SSH2: variants seen among roughly 807,000 people sequenced by gnomAD.
The protein encoded by SSH2 is slingshot protein phosphatase 2.
Under a neutral mutation model 135.2 loss-of-function variants are expected in SSH2, and 37 were observed. The observed-to-expected ratio is 0.27, with a 90% CI of 0.21 to 0.36. The LOEUF (loss-of-function observed/expected upper bound fraction) is 0.36, where lower values mean the gene tolerates loss of function less well. Ranked by LOEUF, SSH2 falls within the 10% of genes least tolerant of loss-of-function variation. The pLI, the probability that SSH2 is intolerant of heterozygous loss-of-function variation, is 1.00. For synonymous variants in SSH2, 628 were observed against 646.2 expected, an observed-to-expected ratio of 0.97 and a Z score of 0.43; for missense variants, 1,408 against 1,765.3, an observed-to-expected ratio of 0.80 and a Z score of 3.63.
chr17:29,714,215 G>C (rs1040437483), intron 3 of SSH2, among the ~76,000 whole-genome samples: 1 of 151,754 alleles, frequency 6.6e-6, no homozygotes, highest in African/African-American at 2.4e-5. Flanking sequence ...ACATGATGAT[G>C]ACCAACATGT....
chr17:29,771,236 G>A (rs1320160398), intron 3 of SSH2, among the ~76,000 whole-genome samples: 2 of 152,180 alleles, frequency 1.3e-5, no homozygotes, highest in Non-Finnish European at 2.9e-5. Context: ...AACAATGAGA[G>A]CATATTTATT....
chr17:29,823,396 T>G (rs981662004), intron 2 of SSH2, among the ~76,000 whole-genome samples: 50 of 152,188 alleles, frequency 3.3e-4, no homozygotes, highest in Non-Finnish European at 3.1e-4. Flanking sequence ...GCTTTGACCC[T>G]TGCACTGGGC....
At chr17:29,682,188 TA>T (rs1228752279) in intron 6 of SSH2, among the ~76,000 whole-genome samples, 1 of 152,212 alleles carries the variant, frequency 6.6e-6, no homozygotes. Flanking sequence ...TGCTTGCTCA[TA>T]TTCTGGGTCA....
chr17:29,891,183 G>C (rs1202377870), intron 1 of SSH2, among the ~76,000 whole-genome samples: 1 of 152,186 alleles, frequency 6.6e-6, no homozygotes, highest in Non-Finnish European at 1.5e-5. Context: ...CTAATCACAG[G>C]CTGGATTCCC....
intron 3 of SSH2, among the ~76,000 whole-genome samples, chr17:29,788,320 CA>C (rs1033092751): frequency 6.6e-6 from 1 of 152,146 alleles, no homozygotes; most frequent in African/African-American, 2.4e-5. Flanking sequence ...CTGAATAGAA[CA>C]AAAGGCTGAA....
At position 29,897,340 on chromosome 17, in the gene SSH2, T is replaced by C. The variant is rs564141934; in HGVS notation, c.63+32598A>G. On this transcript the variant is annotated intron_variant, in intron 1 of 15. Transcript: ENST00000540801. ...CAATTAAAAGACACAGACTGGCAAATTGGATAAAGAGTCAAGACCCATCAG... is the reference window on the plus strand; with the variant it reads ...CAATTAAAAGACACAGACTGGCAAACTGGATAAAGAGTCAAGACCCATCAG... Among the ~76,000 whole-genome samples, 977 of 151,966 alleles carry C rather than the reference T, an allele frequency of 6.4e-3. 6 individuals are homozygous for C. Among genetic ancestry groups the C allele is most frequent in the Non-Finnish European group, 0.011 (756 of 67,964 alleles).
At chr17:29,773,723 G>A (rs1280260691) in intron 3 of SSH2, among the ~76,000 whole-genome samples, 3 of 152,090 alleles carry the variant, frequency 2.0e-5, no homozygotes, top group Non-Finnish European at 4.4e-5. Flanking sequence ...TGTTGCTCAG[G>A]CTGGAGTGCA....
chr17:29,875,616 T>C (rs117376551), intron 1 of SSH2, among the ~76,000 whole-genome samples: 24 of 152,320 alleles, frequency 1.6e-4, no homozygotes, highest in Non-Finnish European at 2.5e-4. Context: ...CTACAGTCTG[T>C]AAAGCCTCAC....
At chr17:29,856,582 AAAAAC>A (rs2065667639) in intron 1 of SSH2, among the ~76,000 whole-genome samples, 2 of 152,190 alleles carry the variant, frequency 1.3e-5, no homozygotes, top group Non-Finnish European at 2.9e-5. Context: ...CTCAAAAAAC[AAAAAC>A]AAACAAACAA....
intron 6 of SSH2, among the ~76,000 whole-genome samples, chr17:29,679,758 T>C (rs567835200): frequency 9.8e-5 from 15 of 152,356 alleles, no homozygotes; most frequent in Middle Eastern, 3.4e-3. Context: ...AATTTCTTCA[T>C]TTGTAAAACT....
chr17:29,819,634 G>C (rs1208908909), intron 2 of SSH2, among the ~76,000 whole-genome samples: 1 of 152,168 alleles, frequency 6.6e-6, no homozygotes, highest in East Asian at 1.9e-4. Context: ...ATAGCTTTCA[G>C]TTCTATCTAT....
intron 3 of SSH2, among the ~76,000 whole-genome samples, chr17:29,767,629 G>C (rs199926360): frequency 1.4e-5 from 2 of 147,510 alleles, no homozygotes; most frequent in Admixed American, 1.4e-4. Flanking sequence ...GCACACACAC[G>C]CACACACACA....
chr17:29,640,633 T>C (rs2036119651), intron 14 of SSH2: 1 of 152,128 alleles, frequency 6.6e-6, no homozygotes. Context: ...GGTCTGATGC[T>C]GCTGCCTTGT....
chr17:29,789,611 C>T (rs1457647250), intron 3 of SSH2, among the ~76,000 whole-genome samples: 1 of 152,152 alleles, frequency 6.6e-6, no homozygotes, highest in African/African-American at 2.4e-5. Context: ...GTCTTCACTT[C>T]AGTTTCAAAG....
intron 6 of SSH2, among the ~76,000 whole-genome samples, chr17:29,682,795 G>A (rs980476088): frequency 6.6e-5 from 10 of 152,156 alleles, no homozygotes; most frequent in Non-Finnish European, 1.2e-4. Context: ...TGTAAACAAG[G>A]TAGGTGCTGT....
At chr17:29,851,639 G>A (rs1376613843) in intron 1 of SSH2, among the ~76,000 whole-genome samples, 1 of 151,756 alleles carries the variant, frequency 6.6e-6, no homozygotes, top group Non-Finnish European at 1.5e-5. Context: ...ACTGGAGAGA[G>A]CTTGAGCCCA....
At chr17:29,836,688 T>C (rs1278832430) in intron 2 of SSH2, among the ~76,000 whole-genome samples, 5 of 152,230 alleles carry the variant, frequency 3.3e-5, no homozygotes, top group Non-Finnish European at 7.3e-5. Context: ...TCATGGCCTT[T>C]GTAACTCTAC....
chr17:29,792,655 T>C (rs2042089189), intron 3 of SSH2, among the ~76,000 whole-genome samples: 1 of 152,188 alleles, frequency 6.6e-6, no homozygotes, highest in Non-Finnish European at 1.5e-5. Flanking sequence ...CTGATAATAA[T>C]AATAATAATT....
chr17:29,854,281 T>G (rs1252201811), intron 1 of SSH2, among the ~76,000 whole-genome samples: 1 of 151,924 alleles, frequency 6.6e-6, no homozygotes, highest in Non-Finnish European at 1.5e-5. Flanking sequence ...GGTGCTGAAT[T>G]ATTAGTAGCT....
Sources: allele counts gnomAD v4.1 joint callset (sites outside exome capture counted in the v4.1 genomes callset), GRCh38; gene constraint gnomAD v4.1.1; transcripts MANE v1.5; gene names NCBI Gene and HGNC (gene_info 2026-07-23, HGNC 2026-07-21).